FOXP2: variants seen among roughly 807,000 people sequenced by gnomAD.
The protein encoded by FOXP2 is forkhead box protein P2.
Under a neutral mutation model 115.8 loss-of-function variants are expected in FOXP2, and 12 were observed. The observed-to-expected ratio is 0.10, with a 90% CI of 0.07 to 0.17. FOXP2 has a LOEUF of 0.17. Ranked by LOEUF, FOXP2 falls within the 10% of genes least tolerant of loss-of-function variation. FOXP2 has a pLI of 1.00. For missense variants in FOXP2, 629 were observed against 843.5 expected (o/e 0.75, Z 3.15); for synonymous variants, 328 against 297.7 (o/e 1.10, Z -1.05).
chr7:114,477,048 T>C (rs1479634966), intron 2 of FOXP2, among the ~76,000 whole-genome samples: 1 of 152,032 alleles, frequency 6.6e-6, no homozygotes, highest in Non-Finnish European at 1.5e-5. Flanking sequence ...TTATACATTG[T>C]TGGTGGGAAT....
At chr7:114,270,387 A>T (rs1173274213) in intron 1 of FOXP2, among the ~76,000 whole-genome samples, 1 of 152,166 alleles carries the variant, frequency 6.6e-6, no homozygotes, top group African/African-American at 2.4e-5. Context: ...TAGTTTTGTA[A>T]GAAACTGCCA....
intron 1 of FOXP2, among the ~76,000 whole-genome samples, chr7:114,276,077 G>T (rs754958694): frequency 2.6e-5 from 4 of 152,144 alleles, no homozygotes; most frequent in Non-Finnish European, 5.9e-5. Flanking sequence ...CTATCCCAGC[G>T]GGGTAGGCTC....
At chr7:114,449,137 C>A (rs1794962487) in intron 2 of FOXP2, among the ~76,000 whole-genome samples, 1 of 151,680 alleles carries the variant, frequency 6.6e-6, no homozygotes, top group Non-Finnish European at 1.5e-5. Flanking sequence ...ACATTTAGAA[C>A]TATATATATG....
chr7:114,494,669 C>T (rs1584806648), intron 2 of FOXP2, among the ~76,000 whole-genome samples: 1 of 152,010 alleles, frequency 6.6e-6, no homozygotes, highest in Non-Finnish European at 1.5e-5. Flanking sequence ...GATGTATTTG[C>T]CCTCAGAGTT....
chr7:114,209,118 T>A (rs1794278258), intron 1 of FOXP2, among the ~76,000 whole-genome samples: 1 of 152,298 alleles, frequency 6.6e-6, no homozygotes, highest in South Asian at 2.1e-4. Context: ...TGGCATGGTT[T>A]CTCCCATCCT....
At chr7:114,124,956 A>T (rs1457725209) in intron 1 of FOXP2, among the ~76,000 whole-genome samples, 1 of 152,130 alleles carries the variant, frequency 6.6e-6, no homozygotes, top group African/African-American at 2.4e-5. Flanking sequence ...ACAAGGAAAC[A>T]AGAATATAAG....
At chr7:114,133,872 C>T (rs1400922749) in intron 1 of FOXP2, among the ~76,000 whole-genome samples, 4 of 152,182 alleles carry the variant, frequency 2.6e-5, no homozygotes, top group Non-Finnish European at 5.9e-5. Flanking sequence ...TGTGACACAG[C>T]ATGAAAGACC....
intron 2 of FOXP2, among the ~76,000 whole-genome samples, chr7:114,477,518 G>A (rs1166230376): frequency 6.6e-6 from 1 of 151,776 alleles, no homozygotes; most frequent in Non-Finnish European, 1.5e-5. Flanking sequence ...AGTGGGTGTG[G>A]GTTGAAAAAT....
At chr7:114,386,663 G>T (rs1792462070) in intron 2 of FOXP2, among the ~76,000 whole-genome samples, 2 of 152,160 alleles carry the variant, frequency 1.3e-5, no homozygotes, top group African/African-American at 2.4e-5. Flanking sequence ...GGAAAATATT[G>T]GAAGTGAAGG....
chr7:114,634,250 C>T (rs1805091731), intron 6 of FOXP2, among the ~76,000 whole-genome samples: 1 of 152,130 alleles, frequency 6.6e-6, no homozygotes, highest in Non-Finnish European at 1.5e-5. Context: ...CCTGCCTCGG[C>T]CTCCCAAAGT....
chr7:114,347,385 G>A (rs984748265), intron 2 of FOXP2, among the ~76,000 whole-genome samples: 2 of 151,892 alleles, frequency 1.3e-5, no homozygotes, highest in African/African-American at 4.8e-5. Context: ...GAGGAAAAGA[G>A]TAAGACACAT....
At chr7:114,449,514 C>T (rs1464047620) in intron 2 of FOXP2, among the ~76,000 whole-genome samples, 1 of 152,010 alleles carries the variant, frequency 6.6e-6, no homozygotes, top group African/African-American at 2.4e-5. Flanking sequence ...AGTTTTGGTC[C>T]TAAAAGTACT....
intron 1 of FOXP2, among the ~76,000 whole-genome samples, chr7:114,237,443 A>G (rs1464770396): frequency 6.6e-6 from 1 of 152,202 alleles, no homozygotes; most frequent in African/African-American, 2.4e-5. Context: ...TGAATACTGA[A>G]TTGCCATGCA....
At chr7:114,312,097 G>A (rs1221722399) in intron 2 of FOXP2, among the ~76,000 whole-genome samples, 2 of 152,082 alleles carry the variant, frequency 1.3e-5, no homozygotes, top group Non-Finnish European at 2.9e-5. Context: ...CACCTGCTGG[G>A]CACTCAACCA....
Position 114,229,226 on chromosome 7 carries a change from T to C in FOXP2, c.-101-58793T>C, listed in dbSNP as rs191269556. Reference sequence around the variant, plus strand: ...TATTATAAATATATATTTGTATAAATATATATATTTAATATCCAATGTTAG... The same window carrying C: ...TATTATAAATATATATTTGTATAAACATATATATTTAATATCCAATGTTAG... On this transcript the variant is annotated intron_variant, in intron 1 of 17. Coordinates refer to the FOXP2 transcript ENST00000634411. Among the ~76,000 whole-genome samples, 593 of 150,806 alleles carry C rather than the reference T, an allele frequency of 3.9e-3. 4 individuals carry two copies. The highest frequency in any genetic ancestry group is 0.014 in the African/African-American group (577 of 41,366).
Position 114,658,057 on chromosome 7 carries a change from C to T in FOXP2, c.1267-9C>T. On this transcript the variant is annotated splice_polypyrimidine_tract_variant and intron_variant, in intron 10 of 16. Transcript: ENST00000350908. ...ACCTTTTTCCTGCCCTTCTCTTGGGCCTTTGCAGCTAAATCTGGTGTCTAG... is the reference window on the plus strand; with the variant it reads ...ACCTTTTTCCTGCCCTTCTCTTGGGTCTTTGCAGCTAAATCTGGTGTCTAG... 1.2e-6 allele frequency: 2 copies of T among 1,613,694 alleles called. No individual in the cohort carries two copies.
chr7:114,639,001 T>C (rs977320636), intron 6 of FOXP2, among the ~76,000 whole-genome samples: 1 of 152,202 alleles, frequency 6.6e-6, no homozygotes, highest in Admixed American at 6.5e-5. Flanking sequence ...AGCACGGTTA[T>C]ATCACTAATT....
At chr7:114,168,287 T>C (rs1402548450) in intron 1 of FOXP2, among the ~76,000 whole-genome samples, 1 of 152,174 alleles carries the variant, frequency 6.6e-6, no homozygotes, top group African/African-American at 2.4e-5. Flanking sequence ...GTGGGAAAGT[T>C]CTGAACTTCC....
intron 2 of FOXP2, among the ~76,000 whole-genome samples, chr7:114,336,821 G>A (rs1305737006): frequency 6.6e-6 from 1 of 151,376 alleles, no homozygotes; most frequent in Non-Finnish European, 1.5e-5. Flanking sequence ...TACTGAAATA[G>A]GAAATTTCCA....
Sources: gnomAD v4.1 joint callset for allele counts (sites outside exome capture counted in the v4.1 genomes callset) on GRCh38, gnomAD v4.1.1 for gene constraint, MANE v1.5 for transcripts, NCBI Gene and HGNC (gene_info 2026-07-23, HGNC 2026-07-21) for gene names.